The following ANOS1 variants were observed in gnomAD, a reference collection of about 807,000 sequenced individuals.
The protein encoded by ANOS1 is anosmin-1.
ANOS1 carries 6 observed loss-of-function variants against 59.0 expected under a neutral mutation model. The ratio of observed to expected loss-of-function variants is 0.10; its 90% CI spans 0.06 to 0.20. The LOEUF (loss-of-function observed/expected upper bound fraction) is 0.20, where lower values mean the gene tolerates loss of function less well. ANOS1 is among the 10% of genes least tolerant of loss of function. The probability of loss-of-function intolerance (pLI) is 1.00; values close to 1 mark genes in which losing one functional copy is unlikely to be tolerated. For missense variants in ANOS1, 433 were observed against 542.3 expected (o/e 0.80, Z 2.00); for synonymous variants, 217 against 223.4 (o/e 0.97, Z 0.25).
chrX:8,576,491 T>C (rs200418561), intron 6 of ANOS1, among the ~76,000 whole-genome samples: 8,757 of 93,086 alleles, frequency 0.094, 469 homozygotes, highest in Admixed American at 0.17. Context: ...CACACACACA[T>C]ACACACACAC....
intron 2 of ANOS1, among the ~76,000 whole-genome samples, chrX:8,665,665 G>C (rs183709926): frequency 1.3e-3 from 144 of 111,995 alleles, no homozygotes; most frequent in African/African-American, 4.6e-3. Flanking sequence ...AATATTGCAG[G>C]TGCTGAGATG....
intron 1 of ANOS1, among the ~76,000 whole-genome samples, chrX:8,715,481 G>A (rs368521442): frequency 7.6e-4 from 75 of 99,215 alleles, no homozygotes; most frequent in African/African-American, 2.4e-3. Flanking sequence ...GTCTCACTCT[G>A]ATGCCCAGGC....
intron 7 of ANOS1, among the ~76,000 whole-genome samples, chrX:8,569,039 TG>T (rs1011846581): frequency 3.6e-5 from 4 of 111,576 alleles, no homozygotes; most frequent in African/African-American, 1.3e-4. Context: ...AATTATGAAT[TG>T]GCACTAATTG....
At chrX:8,611,453 A>C (rs142373857) in intron 3 of ANOS1, among the ~76,000 whole-genome samples, 2,303 of 110,618 alleles carry the variant, frequency 0.021, 76 homozygotes, top group African/African-American at 0.072. Flanking sequence ...TAAATTAAAA[A>C]TTTGATTAAA....
intron 2 of ANOS1, among the ~76,000 whole-genome samples, chrX:8,650,070 A>G (rs1931826155): frequency 8.9e-6 from 1 of 112,761 alleles, no homozygotes; most frequent in African/African-American, 3.2e-5. Context: ...ACTGCTTATG[A>G]TAGTTTCCTG....
chrX:8,659,600 TC>T (rs1259107520), intron 2 of ANOS1, among the ~76,000 whole-genome samples: 3 of 90,786 alleles, frequency 3.3e-5, no homozygotes, highest in African/African-American at 1.4e-4. Context: ...CTTCCTTCCT[TC>T]CTTCCTTCCT....
chrX:8,716,519 ATTAC>A (rs1932842729), intron 1 of ANOS1, among the ~76,000 whole-genome samples: 1 of 111,950 alleles, frequency 8.9e-6, no homozygotes, highest in Non-Finnish European at 1.9e-5. Flanking sequence ...TGATTCCAGA[ATTAC>A]TTACAGCAGA....
At chrX:8,726,144 G>A (rs1932918477) in intron 1 of ANOS1, among the ~76,000 whole-genome samples, 1 of 111,241 alleles carries the variant, frequency 9.0e-6, no homozygotes, top group Admixed American at 9.6e-5. Flanking sequence ...TGAAATCTGT[G>A]AGCCTGGGGC....
intron 2 of ANOS1, among the ~76,000 whole-genome samples, chrX:8,652,745 T>C (rs1931868826): frequency 8.9e-6 from 1 of 111,900 alleles, no homozygotes; most frequent in Non-Finnish European, 1.9e-5. Context: ...CAAAGCAAAG[T>C]CAGTATCATC....
intron 9 of ANOS1, among the ~76,000 whole-genome samples, chrX:8,543,387 C>T (rs1929717295): frequency 9.3e-6 from 1 of 107,777 alleles, no homozygotes; most frequent in South Asian, 4.1e-4. Flanking sequence ...ACTAACAATG[C>T]CCACACTCAT....
At chrX:8,542,875 T>C (rs923180801) in intron 9 of ANOS1, among the ~76,000 whole-genome samples, 9 of 108,140 alleles carry the variant, frequency 8.3e-5, no homozygotes, top group Non-Finnish European at 1.3e-4. Flanking sequence ...CTTTGAGTCA[T>C]TGAATGGCTT....
At chrX:8,634,381 GA>G (rs1004762229) in intron 2 of ANOS1, among the ~76,000 whole-genome samples, 4 of 110,784 alleles carry the variant, frequency 3.6e-5, no homozygotes, top group African/African-American at 9.8e-5. Context: ...AAAAGAAAAG[GA>G]AAAAAAGGAA....
chrX:8,693,802 C>A, intron 2 of ANOS1, among the ~76,000 whole-genome samples: 1 of 99,510 alleles, frequency 1.0e-5, no homozygotes, highest in Middle Eastern at 5.6e-3. Flanking sequence ...CAGCTCCCTG[C>A]AAACTTCACC....
chrX:8,550,729 T>C (rs1175717331), intron 9 of ANOS1, among the ~76,000 whole-genome samples: 1 of 106,332 alleles, frequency 9.4e-6, no homozygotes, highest in Non-Finnish European at 1.9e-5. Flanking sequence ...TTGGGGAAAA[T>C]AGTCATTTAA....
chrX:8,668,631 A>G (rs1249747892), intron 2 of ANOS1, among the ~76,000 whole-genome samples: 1 of 106,283 alleles, frequency 9.4e-6, no homozygotes, highest in South Asian at 4.2e-4. Context: ...TCATTGACTG[A>G]TGATCATTTG....
At chrX:8,560,091 C>G (rs1930009727) in intron 8 of ANOS1, among the ~76,000 whole-genome samples, 2 of 111,995 alleles carry the variant, frequency 1.8e-5, no homozygotes, top group South Asian at 7.4e-4. Flanking sequence ...TACAGTAATC[C>G]TTTAACATGA....
chrX:8,574,908 C>G (rs1930295419), intron 6 of ANOS1, among the ~76,000 whole-genome samples: 1 of 111,614 alleles, frequency 9.0e-6, no homozygotes, highest in Non-Finnish European at 1.9e-5. Flanking sequence ...TTATTAGGTA[C>G]CTTGTTTGCT....
rs141945681 is a variant in ANOS1, at chrX:8,591,267, G to A, written c.542-3289C>T. 5.2e-3 allele frequency among the ~76,000 whole-genome samples: 581 copies of A among 111,467 alleles called. 2 individuals carry two copies. The highest frequency in any genetic ancestry group is 0.018 in the African/African-American group (541 of 30,657). On this transcript the variant is annotated intron_variant, in intron 4 of 13. Coordinates refer to ENST00000262648, the MANE Select transcript of ANOS1 (RefSeq NM_000216.4). ...ATAGTTCTACCGAAGGGGATAAGGCGAGGGAGAGTAGCCGCAGAGAACATT... is the reference window on the plus strand; with the variant it reads ...ATAGTTCTACCGAAGGGGATAAGGCAAGGGAGAGTAGCCGCAGAGAACATT...
intron 2 of ANOS1, among the ~76,000 whole-genome samples, chrX:8,638,948 A>T (rs1329042119): frequency 9.0e-6 from 1 of 111,256 alleles, no homozygotes; most frequent in Non-Finnish European, 1.9e-5. Context: ...AAAGAAAATG[A>T]TTCTTATTGA....
Sources: allele counts gnomAD v4.1 joint callset (sites outside exome capture counted in the v4.1 genomes callset), GRCh38; gene constraint gnomAD v4.1.1; transcripts MANE v1.5; gene names NCBI Gene and HGNC (gene_info 2026-07-23, HGNC 2026-07-21).